The following MAPKAP1 variants were observed in gnomAD, a reference collection of about 807,000 sequenced individuals.
MAPKAP1 encodes the protein target of rapamycin complex 2 subunit MAPKAP1.
Under a neutral mutation model 65.7 loss-of-function variants are expected in MAPKAP1, and 20 were observed. The ratio of observed to expected loss-of-function variants is 0.30; its 90% CI spans 0.21 to 0.44. The LOEUF (loss-of-function observed/expected upper bound fraction) is 0.44. Among genes scored for constraint, MAPKAP1 ranks in the 20% least tolerant of loss-of-function variants. The pLI, the probability that MAPKAP1 is intolerant of heterozygous loss-of-function variation, is 1.00. For synonymous variants in MAPKAP1, 222 were observed against 244.3 expected (o/e 0.91, Z 0.85); for missense variants, 423 against 648.0 (o/e 0.65, Z 3.77).
chr9:125,597,062 A>C, intron 4 of MAPKAP1, among the ~76,000 whole-genome samples: 1 of 151,424 alleles, frequency 6.6e-6, no homozygotes, highest in South Asian at 2.1e-4. Context: ...GGAGATCGAG[A>C]CCATCCTGGC....
chr9:125,532,619 T>A (rs1337371591), intron 7 of MAPKAP1, among the ~76,000 whole-genome samples: 1 of 152,194 alleles, frequency 6.6e-6, no homozygotes, highest in Non-Finnish European at 1.5e-5. Context: ...CTTGCTACCA[T>A]TCCCAGAAAC....
intron 6 of MAPKAP1, among the ~76,000 whole-genome samples, chr9:125,550,488 T>C (rs1436239049): frequency 6.6e-6 from 1 of 152,252 alleles, no homozygotes. Context: ...TTGATGGTTA[T>C]CTAAAATGTG....
chr9:125,610,767 G>A (rs1454908010), intron 4 of MAPKAP1, among the ~76,000 whole-genome samples: 1 of 152,190 alleles, frequency 6.6e-6, no homozygotes, highest in East Asian at 1.9e-4. Context: ...AAGATTTTAA[G>A]CCAAGAATTT....
intron 6 of MAPKAP1, among the ~76,000 whole-genome samples, chr9:125,555,047 GTTACA>G (rs1830697813): frequency 6.6e-6 from 1 of 152,052 alleles, no homozygotes; most frequent in African/African-American, 2.4e-5. Flanking sequence ...AACATCATCT[GTTACA>G]TTAAAGTTGT....
At chr9:125,586,925 G>A (rs889715000) in intron 4 of MAPKAP1, among the ~76,000 whole-genome samples, 9 of 152,138 alleles carry the variant, frequency 5.9e-5, no homozygotes, top group African/African-American at 2.2e-4. Flanking sequence ...CAACAGTCTT[G>A]ATGCTTCTTC....
rs72769118 is a variant in MAPKAP1 at position 125,599,089 on chromosome 9, G to C, written c.499-13362C>G. The stretch of plus-strand genomic sequence containing the variant: ...ACTTATTACTGTGCCTAGTCCCACA[G>C]TAAATGCTCAAGAAATACTGGTTAT... On this transcript the variant is annotated intron_variant, in intron 4 of 11. Transcript: ENST00000265960. Among the ~76,000 whole-genome samples, 1,398 of 150,792 alleles carry C rather than the reference G, an allele frequency of 9.3e-3. 22 individuals carry two copies. Among genetic ancestry groups the C allele is most frequent in the Non-Finnish European group, 0.012 (840 of 67,828 alleles).
At chr9:125,533,096 T>C (rs1261102787) in intron 7 of MAPKAP1, among the ~76,000 whole-genome samples, 1 of 152,178 alleles carries the variant, frequency 6.6e-6, no homozygotes, top group African/African-American at 2.4e-5. Flanking sequence ...TGTGTGTATG[T>C]GTACGCATAC....
intron 3 of MAPKAP1, among the ~76,000 whole-genome samples, chr9:125,662,283 G>C (rs1044419873): frequency 6.6e-6 from 1 of 152,144 alleles, no homozygotes; most frequent in Non-Finnish European, 1.5e-5. Flanking sequence ...TTGGGAGGCT[G>C]AGGAGGAAGA....
chr9:125,438,800 A>T lies in MAPKAP1; in HGVS notation c.*87T>A. On this transcript the variant is annotated 3_prime_UTR_variant, in exon 12 of 12. Coordinates refer to ENST00000265960, the MANE Select transcript of MAPKAP1 (RefSeq NM_001006617.3). ...GCCAGGGGCTGGCCTCCCCCCGAGGACTTCAGGACACCGGGTGGACTCTAG... is the reference window on the plus strand; with the variant it reads ...GCCAGGGGCTGGCCTCCCCCCGAGGTCTTCAGGACACCGGGTGGACTCTAG... 6.4e-7 allele frequency: 1 copy of T among 1,555,666 alleles called. No individual in the cohort carries two copies. Among genetic ancestry groups the T allele is most frequent in the South Asian group, 1.2e-5 (1 of 85,406 alleles).
chr9:125,535,808 C>G (rs887840000), intron 7 of MAPKAP1, among the ~76,000 whole-genome samples: 1 of 152,048 alleles, frequency 6.6e-6, no homozygotes, highest in Non-Finnish European at 1.5e-5. Flanking sequence ...AGAATCAGAC[C>G]CTAGTGAACC....
intron 4 of MAPKAP1, among the ~76,000 whole-genome samples, chr9:125,603,257 G>A (rs1277376985): frequency 1.3e-5 from 2 of 152,028 alleles, no homozygotes; most frequent in African/African-American, 4.8e-5. Flanking sequence ...CAACTTCCAG[G>A]CCACAGACAA....
chr9:125,565,376 A>G (rs1831018693), intron 5 of MAPKAP1: 1 of 162,028 alleles, frequency 6.2e-6, no homozygotes, highest in South Asian at 1.8e-4. Context: ...TTACATACTC[A>G]TAAAAATTCA....
chr9:125,445,570 T>A lies in MAPKAP1; in HGVS notation c.1346-972A>T, dbSNP rs148765705. 1.1e-3 allele frequency among the ~76,000 whole-genome samples: 175 copies of A among 152,394 alleles called. 2 individuals carry two copies. Among genetic ancestry groups the A allele is most frequent in the African/African-American group, 4.0e-3 (165 of 41,592 alleles). On this transcript the variant is annotated intron_variant, in intron 10 of 11. Coordinates refer to ENST00000265960, the MANE Select transcript of MAPKAP1 (RefSeq NM_001006617.3). The stretch of plus-strand genomic sequence containing the variant: ...CCTCCAAAGGAACCTGCTTGTCTTA[T>A]CATACCTGCAGCCATGGCTACATTA...
chr9:125,541,754 G>C (rs1417393852), intron 7 of MAPKAP1, among the ~76,000 whole-genome samples: 4 of 152,318 alleles, frequency 2.6e-5, no homozygotes, highest in African/African-American at 9.6e-5. Flanking sequence ...CTAACGACTT[G>C]TTCATTATGA....
At chr9:125,609,996 ACT>A (rs1832552855) in intron 4 of MAPKAP1, among the ~76,000 whole-genome samples, 1 of 152,218 alleles carries the variant, frequency 6.6e-6, no homozygotes, top group Non-Finnish European at 1.5e-5. Flanking sequence ...CAGTAAGATA[ACT>A]CAGATGGAAA....
intron 9 of MAPKAP1, among the ~76,000 whole-genome samples, chr9:125,475,836 T>C (rs1392951521): frequency 1.3e-5 from 2 of 152,210 alleles, no homozygotes; most frequent in Non-Finnish European, 2.9e-5. Context: ...GAATTTACAG[T>C]ATCACTTGTA....
intron 1 of MAPKAP1, among the ~76,000 whole-genome samples, chr9:125,693,872 C>CACACACACACAT (rs1042696705): frequency 1.4e-5 from 2 of 147,174 alleles, no homozygotes; most frequent in African/African-American, 5.1e-5. Context: ...CACACACACA[C>CACACACACACAT]ATATATATAT....
At chr9:125,578,193 C>T (rs200182966) in intron 5 of MAPKAP1, among the ~76,000 whole-genome samples, 3 of 152,148 alleles carry the variant, frequency 2.0e-5, no homozygotes, top group African/African-American at 7.2e-5. Flanking sequence ...GGATTAAGGG[C>T]GTGCAAGATG....
chr9:125,689,392 G>GCCAC (rs1217656271), intron 1 of MAPKAP1, among the ~76,000 whole-genome samples: 1 of 125,184 alleles, frequency 8.0e-6, no homozygotes, highest in South Asian at 2.8e-4. Context: ...AGCCGAGATC[G>GCCAC]CCACTGCACT....
Sources: allele counts gnomAD v4.1 joint callset (sites outside exome capture counted in the v4.1 genomes callset), GRCh38; gene constraint gnomAD v4.1.1; transcripts MANE v1.5; gene names NCBI Gene and HGNC (gene_info 2026-07-23, HGNC 2026-07-21).